The following MACF1 variants were observed in gnomAD, a reference collection of about 807,000 sequenced individuals.
MACF1 encodes the protein microtubule actin crosslinking factor 1, also known as microtubule-actin cross-linking factor 1.
Under a neutral mutation model 854.8 loss-of-function variants are expected in MACF1, and 193 were observed. The observed-to-expected ratio is 0.23, with a 90% CI of 0.20 to 0.25. MACF1 has a LOEUF of 0.25. MACF1 is among the 10% of genes least tolerant of loss of function. The pLI, the probability that MACF1 is intolerant of heterozygous loss-of-function variation, is 1.00. For synonymous variants in MACF1, 3,185 were observed against 3,226.7 expected (o/e 0.99, Z 0.44); for missense variants, 7,722 against 8,929.1 (o/e 0.86, Z 5.45).
chr1:39,340,194 CT>C (rs1379362120), intron 38 of MACF1, among the ~76,000 whole-genome samples: 1 of 152,146 alleles, frequency 6.6e-6, no homozygotes, highest in Non-Finnish European at 1.5e-5. Flanking sequence ...GCACACTGCA[CT>C]GAGTGAGAAA....
Position 39,105,023 on chromosome 1 carries a change from T to C in MACF1, c.220+20585T>C, listed in dbSNP as rs372322120. ...CCCGGCGGCGTAGGTCAGCGCTGAC[T>C]GGGGCTCCCGCTCGCCCTGTGGAGC... On this transcript the variant is annotated intron_variant, in intron 2 of 93. Coordinates refer to the MACF1 transcript ENST00000361689. The surrounding 1 kb of genome is among the most constrained non-coding windows in gnomAD (Gnocchi z 5.9). Among the ~76,000 whole-genome samples, 5 of 152,150 alleles carry C rather than the reference T, an allele frequency of 3.3e-5. No homozygotes were observed. The East Asian group carries it at 5.8e-4, about 18-fold the overall frequency.
In MACF1 at chr1:39,453,755, G is replaced by A. The variant is rs1243166518; in HGVS notation, c.20791G>A (p.Val6931Ile). The stretch of plus-strand genomic sequence containing the variant: ...AAAGCGAGTGGACGTTAACTCAGCA[G>A]TAGCCATGGGAGAAGTCATCCTGGC... ...EEKRVDVNSA[V>I]AMGEVILAVC... The change falls in exon 88 of 101, where the codon GTA (valine) becomes ATA (isoleucine). Residue 6931 changes from valine (V) to isoleucine (I), a missense_variant. By Grantham distance (29) the Val-to-Ile change is conservative. Around this residue, in one of 15 missense-constraint regions of MACF1, gnomAD observed 729 missense variants for 900.5 expected, o/e 0.81. Coordinates refer to ENST00000564288, the MANE Select transcript of MACF1 (RefSeq NM_001394062.1). 6.2e-7 allele frequency: 1 copy of A among 1,613,978 alleles called. No homozygotes were observed.
chr1:39,293,532 C>G lies in MACF1; in HGVS notation c.2067C>G (p.Ile689Met). The G allele has an allele frequency of 6.2e-7, 1 of 1,614,002 alleles. No homozygotes were observed. ...KFVSRATAEL[I>M]WLNEKEEEEL... is the part of the protein sequence containing the mutation. The stretch of plus-strand genomic sequence containing the variant: ...TTTCCAGAGCTACAGCTGAGTTGAT[C>G]TGGTTGAATGAGAAGGAGGAGGAGG... Residue 689 changes from isoleucine to methionine, a missense_variant, in exon 18 of 101, where the codon ATC becomes ATG. Physicochemically the swap from Ile to Met is conservative, Grantham distance 10. This residue lies in a region of MACF1 where 1,137 missense variants were observed against 1,263.0 expected (regional missense o/e 0.90). Transcript: ENST00000564288.
chr1:39,293,582 A>G lies in MACF1; in HGVS notation c.2117A>G (p.Asn706Ser), dbSNP rs1420736898. 6.2e-7 allele frequency: 1 copy of G among 1,613,648 alleles called. No homozygotes were observed. Among genetic ancestry groups the G allele is most frequent in the African/African-American group, 1.3e-5 (1 of 74,916 alleles). ...EEELAYDWSD[N>S]NSNISAKRNY... is the part of the protein sequence containing the mutation. ...GAACTAGCATATGACTGGAGTGACAACAATTCCAATATCTCAGCCAAGAGA... is the reference window on the plus strand; with the variant it reads ...GAACTAGCATATGACTGGAGTGACAGCAATTCCAATATCTCAGCCAAGAGA... Residue 706 changes from asparagine (N) to serine (S), a missense_variant, in exon 18 of 101, where the codon AAC (asparagine) becomes AGC (serine). This residue lies in a region of MACF1 where 1,137 missense variants were observed against 1,263.0 expected (regional missense o/e 0.90). Transcript: ENST00000564288.
At chr1:39,480,748 G>A (rs1397193920) in intron 98 of MACF1, among the ~76,000 whole-genome samples, 172 bp from the exon 99 acceptor site, 1 of 152,196 alleles carries the variant, frequency 6.6e-6, no homozygotes, top group Non-Finnish European at 1.5e-5. Context: ...TGTGAATGAT[G>A]TTAGTGCCTG....
intron 2 of MACF1, among the ~76,000 whole-genome samples, chr1:39,240,779 G>A (rs745585898): frequency 5.3e-5 from 8 of 152,288 alleles, no homozygotes; most frequent in Middle Eastern, 3.4e-3. Flanking sequence ...GATTACAGGC[G>A]TGAGCCACTG....
intron 1 of MACF1, among the ~76,000 whole-genome samples, chr1:39,211,481 T>A (rs745936987): frequency 2.0e-5 from 3 of 152,156 alleles, no homozygotes; most frequent in Non-Finnish European, 4.4e-5. Flanking sequence ...TTGCCCATGC[T>A]GGTCTCGAAC....
intron 58 of MACF1, among the ~76,000 whole-genome samples, chr1:39,397,430 C>T (rs1485763809): frequency 1.3e-5 from 2 of 151,890 alleles, no homozygotes; most frequent in African/African-American, 2.4e-5. Flanking sequence ...GGCGTGGTGG[C>T]GAGCGCCTGT....
intron 97 of MACF1, among the ~76,000 whole-genome samples, chr1:39,476,430 C>T (rs1469477829): frequency 1.3e-5 from 2 of 151,986 alleles, no homozygotes; most frequent in Non-Finnish European, 2.9e-5. Flanking sequence ...ATTAGCCAAG[C>T]GTGGTGGCCA....
At chr1:39,428,608 G>T (rs1055046192) in intron 63 of MACF1, among the ~76,000 whole-genome samples, 14 of 152,184 alleles carry the variant, frequency 9.2e-5, no homozygotes, top group Non-Finnish European at 1.8e-4. Flanking sequence ...TTTTATGAAA[G>T]ATAATGTGCT....
chr1:39,392,847 G>C (rs1642089098), intron 58 of MACF1, among the ~76,000 whole-genome samples: 1 of 152,130 alleles, frequency 6.6e-6, no homozygotes, highest in Non-Finnish European at 1.5e-5. Flanking sequence ...TATCACATGG[G>C]AGTGGAAGAG....
chr1:39,113,937 G>C (rs1471332020), intron 2 of MACF1, among the ~76,000 whole-genome samples: 1 of 152,060 alleles, frequency 6.6e-6, no homozygotes, highest in Non-Finnish European at 1.5e-5. Flanking sequence ...TTGGGAGGCT[G>C]AAGCAAGAGA....
At chr1:39,479,750 T>A (rs772439372) in intron 97 of MACF1, 48 bp from the exon 98 acceptor site, 1 of 1,558,436 alleles carries the variant, frequency 6.4e-7, no homozygotes, top group Non-Finnish European at 8.8e-7. Flanking sequence ...GTCAAAAATA[T>A]ATTTTTTAGA....
In MACF1 at chr1:39,084,906, T is replaced by C. The variant is rs1405493701; in HGVS notation, c.220+468T>C. On this transcript the variant is annotated intron_variant, in intron 2 of 93. Coordinates refer to the MACF1 transcript ENST00000361689. This position sits in a 1 kb window ranked among gnomAD's most constrained non-coding sequence, Gnocchi z 5.2. ...TAGACAATGCTGCTGAGAACATGGT[T>C]AAGAATGATTTGACTTCTGTTATTT... 6.6e-6 allele frequency among the ~76,000 whole-genome samples: 1 copy of C among 152,216 alleles called. No individual in the cohort carries two copies. Among genetic ancestry groups the C allele is most frequent in the Non-Finnish European group, 1.5e-5 (1 of 68,034 alleles).
At chr1:39,351,581 CTTTT>C (rs36123797) in intron 43 of MACF1, among the ~76,000 whole-genome samples, 1 of 85,918 alleles carries the variant, frequency 1.2e-5, no homozygotes, top group Non-Finnish European at 2.2e-5. Context: ...AAGCAAATGG[CTTTT>C]TTTTTTTTTT....
chr1:39,158,561 C>T (rs951542426), intron 2 of MACF1, among the ~76,000 whole-genome samples: 2 of 152,164 alleles, frequency 1.3e-5, no homozygotes, highest in African/African-American at 4.8e-5. Flanking sequence ...GTTAAATGAG[C>T]CCCTGACTGG....
At chr1:39,372,721 A>G in intron 52 of MACF1, 125 bp downstream of exon 52, 1 of 712,746 alleles carries the variant, frequency 1.4e-6, no homozygotes, top group Non-Finnish European at 2.5e-6. Flanking sequence ...GGCATGCCCA[A>G]AGCAGTCTTC....
intron 58 of MACF1, among the ~76,000 whole-genome samples, chr1:39,394,391 G>A (rs998580513): frequency 2.0e-5 from 3 of 152,114 alleles, no homozygotes; most frequent in African/African-American, 7.2e-5. Flanking sequence ...GAAGGCTGAG[G>A]TGGGTGGATC....
At position 39,310,413 on chromosome 1, in the gene MACF1, A is replaced by C; in HGVS notation, c.3085A>C (p.Lys1029Gln). The part of the protein sequence containing the change: ...ACKARFQHLM[K>Q]SMENEDKEET... ...TAAAGCCCGCTTCCAGCACCTGATG[A>C]AGTCCATGGAGAATGGTGTGTGCAC... Residue 1029 changes from lysine to glutamine, a missense_variant, in exon 25 of 101, where the codon AAG (lysine) becomes CAG (glutamine). Lys to Gln is a moderately conservative substitution (Grantham distance 53, BLOSUM62 1). This residue lies in a region of MACF1 where 1,137 missense variants were observed against 1,263.0 expected (regional missense o/e 0.90). Coordinates refer to ENST00000564288, the MANE Select transcript of MACF1 (RefSeq NM_001394062.1). 6.2e-7 allele frequency: 1 copy of C among 1,614,064 alleles called. No individual in the cohort carries two copies. The highest frequency in any genetic ancestry group is 8.5e-7 in the Non-Finnish European group (1 of 1,179,980).
Sources: allele counts gnomAD v4.1 joint callset (sites outside exome capture counted in the v4.1 genomes callset), GRCh38; gene constraint gnomAD v4.1.1; regional missense constraint gnomAD v4.1.1; non-coding constraint Gnocchi (gnomAD v3.1); transcripts MANE v1.5; gene names NCBI Gene and HGNC (gene_info 2026-07-23, HGNC 2026-07-21).